ZNF385D: variants seen among roughly 807,000 people sequenced by gnomAD.
ZNF385D encodes zinc finger protein 659.
In ZNF385D, 15 loss-of-function variants were observed where a neutral mutation model predicts 35.8. The ratio of observed to expected loss-of-function variants is 0.42; its 90% confidence interval spans 0.28 to 0.64. The LOEUF (loss-of-function observed/expected upper bound fraction) is 0.64, where lower values mean the gene tolerates loss of function less well. Among genes scored for constraint, ZNF385D ranks in the 30% least tolerant of loss-of-function variants. The probability of loss-of-function intolerance (pLI) is 0.23; values close to 1 mark genes in which losing one functional copy is unlikely to be tolerated. For synonymous variants in ZNF385D, 212 were observed against 186.8 expected, an observed-to-expected ratio of 1.13 and a Z score of -1.10; for missense variants, 474 against 494.6, an observed-to-expected ratio of 0.96 and a Z score of 0.39.
intron 3 of ZNF385D, among the ~76,000 whole-genome samples, chr3:21,861,285 G>A (rs1697041267): frequency 6.6e-6 from 1 of 152,080 alleles, no homozygotes; most frequent in Non-Finnish European, 1.5e-5. Context: ...CTATAAACTG[G>A]AAAATTCAGA....
At chr3:21,902,767 C>T (rs1699474789) in intron 3 of ZNF385D, among the ~76,000 whole-genome samples, 1 of 152,098 alleles carries the variant, frequency 6.6e-6, no homozygotes, top group Non-Finnish European at 1.5e-5. Context: ...GTGCAGCACA[C>T]CAGCATGTCA....
intron 3 of ZNF385D, among the ~76,000 whole-genome samples, chr3:21,776,667 T>C (rs1173280225): frequency 6.6e-6 from 1 of 151,950 alleles, no homozygotes; most frequent in Non-Finnish European, 1.5e-5. Flanking sequence ...TTATATGAGA[T>C]TCTGGAAATA....
chr3:21,787,834 C>T (rs1431234334), intron 3 of ZNF385D, among the ~76,000 whole-genome samples: 1 of 150,724 alleles, frequency 6.6e-6, no homozygotes, highest in African/African-American at 2.4e-5. Context: ...AGCAATAACT[C>T]GGGAGGCTGA....
chr3:21,860,480 C>T (rs946489265), intron 3 of ZNF385D, among the ~76,000 whole-genome samples: 2 of 26,714 alleles, frequency 7.5e-5, no homozygotes, highest in Admixed American at 1.9e-4. Flanking sequence ...CTTTTATAAG[C>T]TGATTATTAA....
At chr3:21,657,691 A>T (rs2066114212) in intron 2 of ZNF385D, among the ~76,000 whole-genome samples, 1 of 142,360 alleles carries the variant, frequency 7.0e-6, no homozygotes, top group Non-Finnish European at 1.5e-5. Context: ...TCTAAGAAAG[A>T]CAGGCTTTTT....
At chr3:22,176,227 G>A (rs1189460058) in intron 2 of ZNF385D, among the ~76,000 whole-genome samples, 2 of 151,986 alleles carry the variant, frequency 1.3e-5, no homozygotes, top group South Asian at 2.1e-4. Flanking sequence ...CACAGCTAAC[G>A]AACTCACCAA....
chr3:22,202,278 G>T (rs1559449043), intron 2 of ZNF385D, among the ~76,000 whole-genome samples: 1 of 152,092 alleles, frequency 6.6e-6, no homozygotes, highest in African/African-American at 2.4e-5. Context: ...TACTGACATT[G>T]TAAAAGGTCT....
intron 3 of ZNF385D, among the ~76,000 whole-genome samples, chr3:22,155,062 T>C (rs1193102627): frequency 6.6e-6 from 1 of 152,126 alleles, no homozygotes; most frequent in African/African-American, 2.4e-5. Flanking sequence ...TGATCTTATG[T>C]GAAGGACAAT....
At chr3:21,663,851 C>T (rs1362777398) in intron 2 of ZNF385D, among the ~76,000 whole-genome samples, 1 of 126,706 alleles carries the variant, frequency 7.9e-6, no homozygotes, top group African/African-American at 2.9e-5. Context: ...AAAATAAGAC[C>T]CACTGCTATC....
At chr3:21,782,007 G>A (rs774013112) in intron 3 of ZNF385D, among the ~76,000 whole-genome samples, 3 of 151,994 alleles carry the variant, frequency 2.0e-5, no homozygotes, top group Non-Finnish European at 4.4e-5. Flanking sequence ...TGGCTTTCCC[G>A]CCTCCACTAG....
chr3:21,756,894 G>A (rs576568910), intron 3 of ZNF385D, among the ~76,000 whole-genome samples: 41 of 152,198 alleles, frequency 2.7e-4, no homozygotes, highest in African/African-American at 9.6e-4. Flanking sequence ...GTTTTAATCA[G>A]AATTTTTTAA....
At chr3:21,726,423 A>G (rs541558050) in intron 1 of ZNF385D, among the ~76,000 whole-genome samples, 1 of 152,306 alleles carries the variant, frequency 6.6e-6, no homozygotes, top group East Asian at 1.9e-4. Context: ...GTATATTTAG[A>G]AAACTCCATC....
intron 1 of ZNF385D, among the ~76,000 whole-genome samples, chr3:21,715,808 G>A (rs368624691): frequency 6.6e-6 from 1 of 152,004 alleles, no homozygotes; most frequent in South Asian, 2.1e-4. Flanking sequence ...ACTTACATTT[G>A]CATCTCTAGT....
chr3:21,613,858 T>C (rs757047472), intron 2 of ZNF385D, among the ~76,000 whole-genome samples: 13 of 152,192 alleles, frequency 8.5e-5, no homozygotes, highest in Non-Finnish European at 1.8e-4. Flanking sequence ...TATTATAAGG[T>C]TGTTTTGTGC....
intron 3 of ZNF385D, among the ~76,000 whole-genome samples, chr3:22,004,302 A>C (rs1696054702): frequency 6.6e-6 from 1 of 152,198 alleles, no homozygotes; most frequent in African/African-American, 2.4e-5. Context: ...TTAAATACTT[A>C]AATATAAGAC....
intron 4 of ZNF385D, among the ~76,000 whole-genome samples, chr3:21,466,163 G>A (rs953617651): frequency 6.6e-6 from 1 of 152,080 alleles, no homozygotes; most frequent in Non-Finnish European, 1.5e-5. Flanking sequence ...ATAGGCAAAT[G>A]CATGATCAAT....
At chr3:22,040,331 A>T (rs1404351264) in intron 3 of ZNF385D, among the ~76,000 whole-genome samples, 1 of 152,136 alleles carries the variant, frequency 6.6e-6, no homozygotes, top group East Asian at 1.9e-4. Flanking sequence ...ACTACACTTT[A>T]AGGAAGGTTT....
chr3:21,906,700 A>G (rs551746075), intron 3 of ZNF385D, among the ~76,000 whole-genome samples: 2 of 152,194 alleles, frequency 1.3e-5, no homozygotes, highest in Non-Finnish European at 2.9e-5. Flanking sequence ...CTGTTTAACA[A>G]TTCTTTCCAG....
intron 3 of ZNF385D, among the ~76,000 whole-genome samples, chr3:21,993,197 T>C (rs557022597): frequency 6.6e-6 from 1 of 152,214 alleles, no homozygotes; most frequent in Non-Finnish European, 1.5e-5. Context: ...GACATTCATA[T>C]CTGTCTCTGT....
Sources: gnomAD v4.1 joint callset for allele counts (sites outside exome capture counted in the v4.1 genomes callset) on GRCh38, gnomAD v4.1.1 for gene constraint, MANE v1.5 for transcripts, NCBI Gene and HGNC (gene_info 2026-07-23, HGNC 2026-07-21) for gene names.